Variants in TRIM7 observed in about 807,000 individuals in gnomAD.
TRIM7 encodes the protein E3 ubiquitin-protein ligase TRIM7.
In TRIM7, 32 loss-of-function variants were observed where a neutral mutation model predicts 37.9. That is an observed-to-expected ratio of 0.84 (90% CI 0.64 to 1.13). The LOEUF (loss-of-function observed/expected upper bound fraction) is 1.13. Ranked by LOEUF, TRIM7 falls within the 50% of genes most tolerant of loss-of-function variation. The probability of loss-of-function intolerance (pLI) is 0.00; values close to 1 mark genes in which losing one functional copy is unlikely to be tolerated. For synonymous variants in TRIM7, 351 were observed against 321.3 expected, an observed-to-expected ratio of 1.09 and a Z score of -0.99; for missense variants, 732 against 714.0, an observed-to-expected ratio of 1.03 and a Z score of -0.29.
intron 6 of TRIM7, chr5:181,196,720 A>G (rs2113057303): frequency 6.6e-6 from 1 of 152,346 alleles, no homozygotes; most frequent in Admixed American, 6.5e-5. Flanking sequence ...CCTGTCTCAG[A>G]AAACAAAATA....
At chr5:181,203,251 C>T (rs1757618072) in intron 2 of TRIM7, 2 of 1,238,324 alleles carry the variant, frequency 1.6e-6, no homozygotes, top group Non-Finnish European at 2.0e-6. Flanking sequence ...TCCGCAGGCC[C>T]TAACTGGTAT....
In TRIM7 at chr5:181,204,875, G is replaced by C. The variant is rs1266975905; in HGVS notation, c.236C>G (p.Pro79Arg). Residue 79 changes from proline (P) to arginine (R), a missense_variant, in exon 1 of 7, where the codon CCG (proline) becomes CGG (arginine). Coordinates refer to ENST00000274773, the MANE Select transcript of TRIM7 (RefSeq NM_203293.3). ...GGGGCGCGCGGGCTCGCGGCACTGCGGACAGGGCAGTGGGAAGGGGGGCGC... is the reference window on the plus strand; with the variant it reads ...GGGGCGCGCGGGCTCGCGGCACTGCCGACAGGGCAGTGGGAAGGGGGGCGC... ...TRAPPFPLPC[P>R]QCREPARPSQ... 7 of 1,356,256 alleles carry C rather than the reference G, an allele frequency of 5.2e-6. No homozygotes were observed. Among genetic ancestry groups the C allele is most frequent in the Non-Finnish European group, 6.6e-6 (7 of 1,064,380 alleles). The allele number at this position is 1,356,256 out of a possible 1,614,324, so 84.0% of individuals were successfully genotyped here.
At position 181,195,193 on chromosome 5, in the gene TRIM7, C is replaced by G. The variant is rs748717109; in HGVS notation, c.1509G>C (p.Thr503=). Residue 503 remains threonine, a synonymous_variant, in exon 7 of 7, where the codon ACG becomes ACC. Coordinates refer to ENST00000274773, the MANE Select transcript of TRIM7 (RefSeq NM_203293.3). ...RVFPLFSVCS[T]GTYLRIWP is the part of the protein sequence containing the mutation. Reference sequence around the variant, plus strand: ...AAGGCCAGATTCGCAAGTAGGTGCCCGTGGAGCAAACAGAGAAAAGCGGGA... The same window carrying G: ...AAGGCCAGATTCGCAAGTAGGTGCCGGTGGAGCAAACAGAGAAAAGCGGGA... The G allele has an allele frequency of 1.2e-6, 2 of 1,608,396 alleles. No homozygotes were observed. Among genetic ancestry groups the G allele is most frequent in the Non-Finnish European group, 1.7e-6 (2 of 1,176,736 alleles).
At chr5:181,203,254 A>C (rs1582238598) in intron 2 of TRIM7, 1 of 1,242,552 alleles carries the variant, frequency 8.0e-7, no homozygotes, top group East Asian at 3.3e-5. Context: ...GCAGGCCCTA[A>C]CTGGTATGTT....
intron 2 of TRIM7, among the ~76,000 whole-genome samples, chr5:181,201,806 G>A (rs1757503801): frequency 6.6e-6 from 1 of 152,210 alleles, no homozygotes; most frequent in Non-Finnish European, 1.5e-5. Flanking sequence ...GAGGTGGAAG[G>A]TGTTAAGCAA....
In TRIM7 at chr5:181,198,688, A is replaced by G; in HGVS notation, c.988+2T>C. The G allele has an allele frequency of 5.6e-6, 9 of 1,610,396 alleles. No individual in the cohort carries two copies. Among genetic ancestry groups the G allele is most frequent in the Non-Finnish European group, 6.8e-6 (8 of 1,176,714 alleles). On this transcript the variant is annotated splice_donor_variant, in intron 5 of 6. Transcript: ENST00000274773. LOFTEE classifies it high-confidence loss of function. ...GGCCCAGCTTGGCGCCCAGGCCCCT[A>G]CCTTTGAACTTCTTCAGCATCCCTT...
Position 181,204,960 on chromosome 5 carries a change from C to A in TRIM7, c.151G>T (p.Ala51Ser), listed in dbSNP as rs1344901136. Residue 51 changes from alanine to serine, a missense_variant, in exon 1 of 7, where the codon GCC becomes TCC. Ala to Ser is a moderately conservative substitution (Grantham distance 99). Transcript: ENST00000274773. ...SVECGHSFCR[A>S]CIGRCWERPG... ...CGCTCCCAGCAGCGCCCTATGCAGG[C>A]GCGGCAGAAGCTGTGGCCGCACTCG... 1.4e-5 allele frequency: 21 copies of A among 1,471,264 alleles called. No individual in the cohort carries two copies. Among genetic ancestry groups the A allele is most frequent in the Admixed American group, 2.5e-5 (1 of 39,686 alleles). 91.1% of individuals were successfully genotyped at this position (1,471,264 alleles called of 1,614,324 possible). A position where few individuals can be genotyped will look rare whatever the true frequency, so the allele number is the denominator to read the frequency against.
chr5:181,196,241 T>C (rs1757112915), intron 6 of TRIM7: 5 of 151,854 alleles, frequency 3.3e-5, no homozygotes, highest in Admixed American at 2.6e-4. Context: ...TAAAATAAAT[T>C]AGCCGGGCGT....
chr5:181,198,966 G>C, intron 4 of TRIM7, 129 bp downstream of exon 4: 2 of 1,340,824 alleles, frequency 1.5e-6, no homozygotes, highest in South Asian at 1.2e-5. Context: ...CGTTTGTCTC[G>C]GAAGGTCCCC....
intron 1 of TRIM7, 128 bp downstream of exon 1, chr5:181,204,461 G>C (rs1259512834): frequency 1.7e-6 from 2 of 1,174,938 alleles, no homozygotes; most frequent in Admixed American, 4.2e-5. Context: ...TCCTGGAATG[G>C]AGAAAGAAGG....
At chr5:181,203,871 C>G (rs922375323) in intron 1 of TRIM7, 1 of 1,305,200 alleles carries the variant, frequency 7.7e-7, no homozygotes, top group Non-Finnish European at 9.7e-7. Context: ...AACACAAGCT[C>G]CGGCAGCCCT....
intron 6 of TRIM7, chr5:181,197,402 A>T (rs1309002075): frequency 6.6e-6 from 1 of 152,518 alleles, no homozygotes; most frequent in Non-Finnish European, 1.5e-5. Context: ...GAAGGCAAAG[A>T]AGCAGGCCAC....
At position 181,203,400 on chromosome 5, in the gene TRIM7, C is replaced by A. The variant is rs922759718; in HGVS notation, c.618+145G>T. 3 of 1,501,020 alleles carry A rather than the reference C, an allele frequency of 2.0e-6. No homozygotes were observed. The East Asian group carries it at 7.0e-5, about 35-fold the overall frequency. The allele number at this position is 1,501,020 out of a possible 1,614,324, so 93.0% of individuals were successfully genotyped here. On this transcript the variant is annotated intron_variant, in intron 2 of 6. Coordinates refer to ENST00000274773, the MANE Select transcript of TRIM7 (RefSeq NM_203293.3). ...TTTGTACAACAATTATGTGGACACC[C>A]TATATAATATGGACTCTATTATCTT...
Position 181,205,012 on chromosome 5 carries a change from T to C in TRIM7, c.99A>G (p.Leu33=), listed in dbSNP as rs1582243039. 6.8e-7 allele frequency: 1 copy of C among 1,481,198 alleles called. No individual in the cohort carries two copies. The highest frequency in any genetic ancestry group is 2.9e-5 in the East Asian group (1 of 34,264). The allele number at this position is 1,481,198 out of a possible 1,614,324, so 91.8% of individuals were successfully genotyped here. A position where few individuals can be genotyped will look rare whatever the true frequency, so the allele number is the denominator to read the frequency against. ...LQGEATCSIC[L]ELFREPVSVE... ...CGGACACCGGCTCACGAAAGAGCTC[T>C]AGGCAGATGGAGCACGTCGCCTCGC... The change falls in exon 1 of 7, where the codon CTA becomes CTG. Residue 33 remains leucine (L), a synonymous_variant. Coordinates refer to ENST00000274773, the MANE Select transcript of TRIM7 (RefSeq NM_203293.3).
chr5:181,200,523 C>A, intron 2 of TRIM7: 1 of 1,056,080 alleles, frequency 9.5e-7, no homozygotes, highest in Non-Finnish European at 1.1e-6. Context: ...TTTTTAAAGG[C>A]CATCTTTCCT....
chr5:181,204,201 A>C, intron 1 of TRIM7: 2 of 1,018,636 alleles, frequency 2.0e-6, no homozygotes, highest in East Asian at 8.9e-5. Context: ...CGCTTCGGGG[A>C]AAGAGATAAG....
intron 6 of TRIM7, 93 bp downstream of exon 6, chr5:181,198,090 G>T (rs879186065): frequency 1.4e-6 from 2 of 1,437,758 alleles, no homozygotes; most frequent in South Asian, 1.2e-5. Flanking sequence ...TGAAGGAACC[G>T]ACCATATGCA....
rs1370399708 is a variant in TRIM7 at position 181,200,512 on chromosome 5, C to G, written c.619-431G>C. On this transcript the variant is annotated intron_variant, in intron 2 of 6. Transcript: ENST00000274773. Reference sequence around the variant, plus strand: ...CCCTCAAACTTTTACACTTCACTTTCTTTTTAAAGGCCATCTTTCCTGTTT... The same window carrying G: ...CCCTCAAACTTTTACACTTCACTTTGTTTTTAAAGGCCATCTTTCCTGTTT... 5 of 1,064,866 alleles carry G rather than the reference C, an allele frequency of 4.7e-6. No homozygotes were observed. The South Asian group carries it at 1.5e-4, about 31-fold the overall frequency. 66.0% of individuals were successfully genotyped at this position (1,064,866 alleles called of 1,614,324 possible). A position where few individuals can be genotyped will look rare whatever the true frequency, so the allele number is the denominator to read the frequency against.
At position 181,204,184 on chromosome 5, in the gene TRIM7, C is replaced by T. The variant is rs533065012; in HGVS notation, c.522+405G>A. On this transcript the variant is annotated intron_variant, in intron 1 of 6. Transcript: ENST00000274773. ...AGTTCCACGAGGTGGGGACTTTGAG[C>T]AGAGCCCGCTTCGGGGAAAGAGATA... is the stretch of plus-strand genomic sequence containing the variant. 138 of 1,012,462 alleles carry T rather than the reference C, an allele frequency of 1.4e-4. No individual in the cohort carries two copies. The African/African-American group carries it at 2.3e-3, about 17-fold the overall frequency. The allele number at this position is 1,012,462 out of a possible 1,614,324, so 62.7% of individuals were successfully genotyped here.
Sources: allele counts gnomAD v4.1 joint callset (sites outside exome capture counted in the v4.1 genomes callset), GRCh38; gene constraint gnomAD v4.1.1; transcripts MANE v1.5; gene names NCBI Gene and HGNC (gene_info 2026-07-23, HGNC 2026-07-21).